The following MRRF variants were observed in gnomAD, a reference collection of about 807,000 sequenced individuals.
MRRF encodes ribosome-recycling factor, mitochondrial.
A neutral mutation model predicts 25.1 loss-of-function variants in MRRF; 18 were observed. The observed-to-expected ratio is 0.72, with a 90% CI of 0.50 to 1.06. The LOEUF is 1.06. Among genes scored for constraint, MRRF ranks in the 50% least tolerant of loss-of-function variants. MRRF has a pLI of 0.00. For synonymous variants in MRRF, 113 were observed against 112.1 expected (o/e 1.01, Z -0.05); for missense variants, 323 against 319.3 (o/e 1.01, Z -0.09).
chr9:122,295,637 G>A (rs763254185), intron 5 of MRRF, among the ~76,000 whole-genome samples: 8 of 152,182 alleles, frequency 5.3e-5, no homozygotes, highest in Admixed American at 2.0e-4. Flanking sequence ...GTAGAGACGG[G>A]ATTTCACCAT....
At chr9:122,289,233 A>T (rs1833599997) in intron 4 of MRRF, among the ~76,000 whole-genome samples, 1 of 152,232 alleles carries the variant, frequency 6.6e-6, no homozygotes, top group Non-Finnish European at 1.5e-5. Flanking sequence ...TGAGCCATTT[A>T]TACATGAGGT....
chr9:122,295,645 C>T lies in MRRF; in HGVS notation c.551+3805C>T, dbSNP rs1352377481. 5.3e-5 allele frequency among the ~76,000 whole-genome samples: 8 copies of T among 152,078 alleles called. No homozygotes were observed. The South Asian group carries it at 1.7e-3, about 31-fold the overall frequency. On this transcript the variant is annotated intron_variant, in intron 5 of 6. Coordinates refer to ENST00000344641, the MANE Select transcript of MRRF (RefSeq NM_138777.5). ...ATTTTTAGTAGAGACGGGATTTCAC[C>T]ATGTTAGCCAGGCTGGTCTCGAACT...
At position 122,322,767 on chromosome 9, in the gene MRRF, G is replaced by C; in HGVS notation, c.*150G>C. 1 of 740,266 alleles carries C rather than the reference G, an allele frequency of 1.4e-6. No individual in the cohort carries two copies. The highest frequency in any genetic ancestry group is 1.5e-5 in the South Asian group (1 of 66,750). The allele number at this position is 740,266 out of a possible 1,614,324, so 45.9% of individuals were successfully genotyped here. A position where few individuals can be genotyped will look rare whatever the true frequency, so the allele number is the denominator to read the frequency against. ...CCTTGTAAGGCCCAGCCTTCCAGGG[G>C]AACACTCAGACATGTTCATTCTCTT... is the stretch of plus-strand genomic sequence containing the variant. On this transcript the variant is annotated 3_prime_UTR_variant, in exon 7 of 7. Transcript: ENST00000344641.
chr9:122,270,844 T>G lies in MRRF; in HGVS notation c.-28-20T>G, dbSNP rs775267730. On this transcript the variant is annotated intron_variant, in intron 1 of 6. Coordinates refer to ENST00000344641, the MANE Select transcript of MRRF (RefSeq NM_138777.5). ...CTTAGATCTTTTACTTAGATCTGCT[T>G]TTTGTCTTATTCTTTTTAGTGGATG... 3.6e-5 allele frequency: 57 copies of G among 1,599,444 alleles called. No homozygotes were observed. The highest frequency in any genetic ancestry group is 3.2e-5 in the Non-Finnish European group (37 of 1,166,798).
chr9:122,290,351 C>T (rs79704259), intron 4 of MRRF, among the ~76,000 whole-genome samples: 1 of 152,256 alleles, frequency 6.6e-6, no homozygotes, highest in East Asian at 1.9e-4. Flanking sequence ...GAAATCCCTT[C>T]CAGCTCTAAT....
At chr9:122,276,140 T>C (rs1307414820) in intron 2 of MRRF, among the ~76,000 whole-genome samples, 2 of 152,010 alleles carry the variant, frequency 1.3e-5, no homozygotes, top group Non-Finnish European at 2.9e-5. Flanking sequence ...TCTCGAACTT[T>C]TGACCTTGGG....
At chr9:122,293,214 A>G (rs1039600338) in intron 5 of MRRF, among the ~76,000 whole-genome samples, 15 of 152,224 alleles carry the variant, frequency 9.9e-5, no homozygotes, top group African/African-American at 3.4e-4. Flanking sequence ...AAGCTTCCAG[A>G]TAACTAAAAG....
At chr9:122,299,198 C>G (rs963294811) in intron 5 of MRRF, among the ~76,000 whole-genome samples, 1 of 151,750 alleles carries the variant, frequency 6.6e-6, no homozygotes, top group Non-Finnish European at 1.5e-5. Context: ...TGAGACCAGC[C>G]TGGTCAACAT....
intron 5 of MRRF, among the ~76,000 whole-genome samples, chr9:122,309,690 T>C (rs961773696): frequency 1.1e-4 from 16 of 152,244 alleles, no homozygotes; most frequent in African/African-American, 3.9e-4. Context: ...ACTGCCTTCC[T>C]TGCCAAATGG....
At position 122,327,565 on chromosome 9, in the gene MRRF, A is replaced by AT. The variant is rs1456467854; in HGVS notation, c.*4954dup. ...GAGTATGTTGTTTAGGTTTTCCATT[A>AT]TTTTTTGACCCTTTGATGAGTCTTG... On this transcript the variant is annotated 3_prime_UTR_variant, in exon 7 of 7. Coordinates refer to ENST00000344641, the MANE Select transcript of MRRF (RefSeq NM_138777.5). The AT allele has an allele frequency of 6.6e-6, 1 of 152,120 alleles. No individual in the cohort carries two copies. Among genetic ancestry groups the AT allele is most frequent in the Admixed American group, 6.5e-5 (1 of 15,276 alleles). The allele number at this position is 152,120 out of a possible 1,614,324, so 9.4% of individuals were successfully genotyped here.
intron 5 of MRRF, 37 bp from the exon 6 acceptor site, chr9:122,313,190 A>G: frequency 6.2e-7 from 1 of 1,604,928 alleles, no homozygotes; most frequent in Non-Finnish European, 8.5e-7. Flanking sequence ...GTTAATGTAT[A>G]GAATGATTTT....
intron 2 of MRRF, among the ~76,000 whole-genome samples, chr9:122,272,778 T>C (rs1243861952): frequency 6.6e-6 from 1 of 152,236 alleles, no homozygotes; most frequent in African/African-American, 2.4e-5. Context: ...TTGTGTCTTC[T>C]TTAAGAAATA....
chr9:122,295,847 G>C (rs1374042447), intron 5 of MRRF, among the ~76,000 whole-genome samples: 1 of 152,030 alleles, frequency 6.6e-6, no homozygotes, highest in Non-Finnish European at 1.5e-5. Flanking sequence ...ATAGTCTATA[G>C]GTTTGCTTTT....
intron 5 of MRRF, among the ~76,000 whole-genome samples, chr9:122,310,203 C>T (rs1835115892): frequency 6.6e-6 from 1 of 152,210 alleles, no homozygotes; most frequent in South Asian, 2.1e-4. Flanking sequence ...TAGGGTCACT[C>T]AGCTTGTAAG....
In MRRF at chr9:122,285,846, C is replaced by T. The variant is rs747152356; in HGVS notation, c.459+559C>T. On this transcript the variant is annotated intron_variant, in intron 4 of 6. Coordinates refer to ENST00000344641, the MANE Select transcript of MRRF (RefSeq NM_138777.5). Reference sequence around the variant, plus strand: ...GGCCTGAGGGCCACCAATTTGTGACCTCTGCATTAGTATTTGGAGCAGACC... The same window carrying T: ...GGCCTGAGGGCCACCAATTTGTGACTTCTGCATTAGTATTTGGAGCAGACC... 74 of 1,284,558 alleles carry T rather than the reference C, an allele frequency of 5.8e-5. 2 individuals are homozygous for T. Among genetic ancestry groups the T allele is most frequent in the South Asian group, 3.6e-4 (28 of 76,948 alleles). 79.6% of individuals were successfully genotyped at this position (1,284,558 alleles called of 1,614,324 possible).
chr9:122,300,010 A>G (rs941103506), intron 5 of MRRF, among the ~76,000 whole-genome samples: 3 of 152,132 alleles, frequency 2.0e-5, no homozygotes, highest in Non-Finnish European at 2.9e-5. Context: ...TGGGAAAGAC[A>G]AAGGGGAGAG....
chr9:122,281,086 A>G (rs73555231), intron 3 of MRRF, among the ~76,000 whole-genome samples: 4,150 of 152,278 alleles, frequency 0.027, 191 homozygotes, highest in African/African-American at 0.095. Context: ...GAACCAAATG[A>G]ATACAGACCT....
chr9:122,311,464 A>T (rs1419247945), intron 5 of MRRF, among the ~76,000 whole-genome samples: 1 of 152,238 alleles, frequency 6.6e-6, no homozygotes, highest in Non-Finnish European at 1.5e-5. Flanking sequence ...ACACGATTAC[A>T]TGTGGAAACT....
Position 122,322,944 on chromosome 9 carries a change from C to G in MRRF, c.*327C>G, listed in dbSNP as rs1299490339. The G allele has an allele frequency of 2.4e-5, 10 of 410,438 alleles. No individual in the cohort carries two copies. Among genetic ancestry groups the G allele is most frequent in the Non-Finnish European group, 4.1e-5 (9 of 221,956 alleles). 25.4% of individuals were successfully genotyped at this position (410,438 alleles called of 1,614,324 possible). On this transcript the variant is annotated 3_prime_UTR_variant, in exon 7 of 7. Coordinates refer to ENST00000344641, the MANE Select transcript of MRRF (RefSeq NM_138777.5). Reference sequence around the variant, plus strand: ...CACCTGCTCCTCATCTTAGGAGTCTCCTTTTCAAATAATTAGGCTCTGTTC... The same window carrying G: ...CACCTGCTCCTCATCTTAGGAGTCTGCTTTTCAAATAATTAGGCTCTGTTC...
Sources: allele counts gnomAD v4.1 joint callset (sites outside exome capture counted in the v4.1 genomes callset), GRCh38; gene constraint gnomAD v4.1.1; transcripts MANE v1.5; gene names NCBI Gene and HGNC (gene_info 2026-07-23, HGNC 2026-07-21).